Variants in NCKAP5 observed in about 807,000 individuals in gnomAD.
NCKAP5 encodes NCK associated protein 5.
Under a neutral mutation model 167.0 loss-of-function variants are expected in NCKAP5, and 92 were observed. The observed-to-expected ratio is 0.55, with a 90% confidence interval of 0.47 to 0.66. NCKAP5 has a LOEUF of 0.66. Ranked by LOEUF, NCKAP5 falls within the 30% of genes least tolerant of loss-of-function variation. The probability of loss-of-function intolerance (pLI) is 0.00; values close to 1 mark genes in which losing one functional copy is unlikely to be tolerated. For synonymous variants in NCKAP5, 891 were observed against 877.4 expected, an observed-to-expected ratio of 1.02 and a Z score of -0.27; for missense variants, 2,378 against 2,315.0, an observed-to-expected ratio of 1.03 and a Z score of -0.56.
chr2:133,153,965 T>C (rs934703531), intron 5 of NCKAP5, among the ~76,000 whole-genome samples: 1 of 150,740 alleles, frequency 6.6e-6, no homozygotes, highest in African/African-American at 2.4e-5. Flanking sequence ...CTCAGCCTCC[T>C]GAGTAGCTGG....
intron 6 of NCKAP5, among the ~76,000 whole-genome samples, chr2:133,129,001 A>G (rs1340450653): frequency 6.7e-6 from 1 of 149,154 alleles, no homozygotes; most frequent in Non-Finnish European, 1.5e-5. Flanking sequence ...AGCAATGAGG[A>G]AGAGTTTATT....
At chr2:133,408,544 C>A (rs1688585394) in intron 3 of NCKAP5, among the ~76,000 whole-genome samples, 1 of 152,088 alleles carries the variant, frequency 6.6e-6, no homozygotes. Flanking sequence ...GAACTGACTG[C>A]AGTTGGCATC....
chr2:133,472,774 CT>C (rs1326346496), intron 3 of NCKAP5, among the ~76,000 whole-genome samples: 4 of 152,294 alleles, frequency 2.6e-5, no homozygotes, highest in South Asian at 4.1e-4. Context: ...AATGGCACCC[CT>C]ATCCACCAGA....
chr2:133,355,967 G>A (rs535720888), intron 3 of NCKAP5, among the ~76,000 whole-genome samples: 30 of 151,850 alleles, frequency 2.0e-4, no homozygotes, highest in South Asian at 2.1e-4. Flanking sequence ...TCCATCTGTC[G>A]CGCAGGCTGG....
chr2:132,914,990 C>CAA (rs11404641), intron 8 of NCKAP5, among the ~76,000 whole-genome samples: 2,694 of 103,992 alleles, frequency 0.026, 95 homozygotes, highest in African/African-American at 0.067. Flanking sequence ...AAGCTATGGC[C>CAA]AAAAAAAAAA....
the NCKAP5 span, among the ~76,000 whole-genome samples, chr2:133,669,473 G>T: frequency 6.6e-6 from 1 of 152,048 alleles, no homozygotes; most frequent in Non-Finnish European, 1.5e-5. Flanking sequence ...GTATATTGTT[G>T]TCAGGTAAAA....
chr2:132,673,396 C>T, intron 19 of NCKAP5, 91 bp from the exon 20 acceptor site: 2 of 1,096,430 alleles, frequency 1.8e-6, no homozygotes, highest in South Asian at 3.7e-5. Context: ...GTATAAAGTA[C>T]AGTTTAAAGG....
intron 6 of NCKAP5, among the ~76,000 whole-genome samples, chr2:133,112,330 C>T (rs774543459): frequency 1.3e-5 from 2 of 152,038 alleles, no homozygotes; most frequent in Non-Finnish European, 2.9e-5. Flanking sequence ...AAAAATTAGC[C>T]GGGTACGGCA....
At position 133,358,353 on chromosome 2, in the gene NCKAP5, A is replaced by T. The variant is rs557467238; in HGVS notation, c.70-55243T>A. 1.8e-4 allele frequency among the ~76,000 whole-genome samples: 27 copies of T among 152,284 alleles called. No homozygotes were observed. The South Asian group carries it at 5.4e-3, about 30-fold the overall frequency. ...TGGGAGTTTGGGAGGCCAAGGCAAG[A>T]CAATCGCTTGAGGGCAGGAGTTTGA... On this transcript the variant is annotated intron_variant, in intron 3 of 19. Coordinates refer to ENST00000409261, the MANE Select transcript of NCKAP5 (RefSeq NM_207363.3).
intron 8 of NCKAP5, among the ~76,000 whole-genome samples, chr2:132,903,587 A>G (rs1693786964): frequency 6.6e-6 from 1 of 152,164 alleles, no homozygotes; most frequent in Non-Finnish European, 1.5e-5. Context: ...ATCTCAATTT[A>G]TCCTCACAAT....
At chr2:133,553,583 A>G (rs1007988295) in intron 2 of NCKAP5, among the ~76,000 whole-genome samples, 3 of 152,200 alleles carry the variant, frequency 2.0e-5, no homozygotes, top group Non-Finnish European at 2.9e-5. Context: ...AGATGATGAT[A>G]GAAGACATTC....
Position 132,783,606 on chromosome 2 carries a change from A to C in NCKAP5, c.3205T>G (p.Ser1069Ala), listed in dbSNP as rs1683260358. Reference protein sequence around the residue: ...RDIGLQTPRISPSTHEPLEMT... With the variant: ...RDIGLQTPRIAPSTHEPLEMT... ...TCCAGTGGCTCATGGGTTGAAGGAGAGATCCTGGGAGTCTGTAATCCTATG... is the reference window on the plus strand; with the variant it reads ...TCCAGTGGCTCATGGGTTGAAGGAGCGATCCTGGGAGTCTGTAATCCTATG... The change falls in exon 14 of 20, where the codon TCT becomes GCT. Residue 1069 changes from serine (S) to alanine (A), a missense_variant. By Grantham distance (99) the Ser-to-Ala change is moderately conservative (BLOSUM62 1). Around this residue, in one of 3 missense-constraint regions of NCKAP5, gnomAD observed 1,325 missense variants for 1,274.5 expected, o/e 1.04. Transcript: ENST00000409261. 6.2e-7 allele frequency: 1 copy of C among 1,613,704 alleles called. No individual in the cohort carries two copies. The highest frequency in any genetic ancestry group is 1.7e-5 in the Admixed American group (1 of 59,982).
At chr2:133,258,703 G>A (rs2088751731) in intron 4 of NCKAP5, among the ~76,000 whole-genome samples, 1 of 151,398 alleles carries the variant, frequency 6.6e-6, no homozygotes, top group Admixed American at 6.6e-5. Context: ...CCGAGATTGT[G>A]CCACTGCATT....
At chr2:133,532,569 C>T (rs891325592) in intron 2 of NCKAP5, among the ~76,000 whole-genome samples, 2 of 152,152 alleles carry the variant, frequency 1.3e-5, no homozygotes, top group East Asian at 3.8e-4. Context: ...AGTGCCCCCA[C>T]CCTGACTGGA....
the NCKAP5 span, among the ~76,000 whole-genome samples, chr2:133,592,508 A>G: frequency 6.6e-6 from 1 of 152,198 alleles, no homozygotes; most frequent in African/African-American, 2.4e-5. Flanking sequence ...TCTTGACTTC[A>G]TCTATACCTT....
intron 16 of NCKAP5, among the ~76,000 whole-genome samples, chr2:132,753,028 G>C (rs1225336491): frequency 3.3e-5 from 5 of 152,164 alleles, no homozygotes; most frequent in Non-Finnish European, 7.3e-5. Context: ...GGCACCATCT[G>C]ATTTACTCAG....
chr2:133,357,288 G>C lies in NCKAP5; in HGVS notation c.70-54178C>G, dbSNP rs199636383. On this transcript the variant is annotated intron_variant, in intron 3 of 19. Transcript: ENST00000409261. ...ATTAGTTGGGTCACACACATACACA[G>C]ACACACACACACACACACACACACA... Among the ~76,000 whole-genome samples, 250 of 140,154 alleles carry C rather than the reference G, an allele frequency of 1.8e-3. 1 individual carries two copies. Among genetic ancestry groups the C allele is most frequent in the African/African-American group, 3.8e-3 (145 of 38,308 alleles). The allele number at this position is 140,154 out of a possible 152,430, so 91.9% of individuals were successfully genotyped here. A position where few individuals can be genotyped will look rare whatever the true frequency, so the allele number is the denominator to read the frequency against.
intron 3 of NCKAP5, among the ~76,000 whole-genome samples, chr2:133,370,997 C>T (rs545919466): frequency 2.3e-3 from 348 of 152,156 alleles, no homozygotes; most frequent in African/African-American, 6.3e-3. Context: ...AAGCAAATGG[C>T]GACTACCTGA....
At chr2:133,232,441 A>G (rs1398972609) in intron 4 of NCKAP5, among the ~76,000 whole-genome samples, 1 of 152,246 alleles carries the variant, frequency 6.6e-6, no homozygotes, top group African/African-American at 2.4e-5. Flanking sequence ...ACTAACAGAC[A>G]AAGTTAGGAA....
Sources: gnomAD v4.1 joint callset for allele counts (sites outside exome capture counted in the v4.1 genomes callset) on GRCh38, gnomAD v4.1.1 for gene constraint, gnomAD v4.1.1 regional missense constraint, MANE v1.5 for transcripts, NCBI Gene and HGNC (gene_info 2026-07-23, HGNC 2026-07-21) for gene names.